FARP2: variants seen among roughly 807,000 people sequenced by gnomAD.
FARP2 encodes the protein FERM, ARH/RhoGEF and pleckstrin domain protein 2.
Under a neutral mutation model 130.5 loss-of-function variants are expected in FARP2, and 111 were observed. The ratio of observed to expected loss-of-function variants is 0.85; its 90% CI spans 0.73 to 1.00. The LOEUF (loss-of-function observed/expected upper bound fraction) is 1.00, where lower values mean the gene tolerates loss of function less well. Among genes scored for constraint, FARP2 ranks in the 50% least tolerant of loss-of-function variants. The pLI is 0.00. For missense variants in FARP2, 1,385 were observed against 1,346.3 expected (o/e 1.03, Z -0.45); for synonymous variants, 504 against 516.9 (o/e 0.98, Z 0.34).
intron 8 of FARP2, among the ~76,000 whole-genome samples, chr2:241,422,957 A>G (rs2062848481): frequency 6.6e-6 from 1 of 152,218 alleles, no homozygotes; most frequent in Non-Finnish European, 1.5e-5. Flanking sequence ...GAAATATGGG[A>G]TTATGTGAAG....
Position 241,450,346 on chromosome 2 carries a change from G to A in FARP2, c.1412-6401G>A, listed in dbSNP as rs568534931. Among the ~76,000 whole-genome samples the A allele has an allele frequency of 2.0e-5, 3 of 152,184 alleles. No individual in the cohort carries two copies. In the South Asian group the frequency reaches 6.2e-4, roughly 32 times the overall value. ...GCACTCCACTCCAGCCTGGGCAACAGTGCAAGACCCTGTCTCAACCAAAAA... is the reference window on the plus strand; with the variant it reads ...GCACTCCACTCCAGCCTGGGCAACAATGCAAGACCCTGTCTCAACCAAAAA... On this transcript the variant is annotated intron_variant, in intron 13 of 26. Transcript: ENST00000264042.
intron 8 of FARP2, among the ~76,000 whole-genome samples, chr2:241,431,319 T>C (rs1034754963): frequency 6.6e-6 from 1 of 151,320 alleles, no homozygotes; most frequent in Non-Finnish European, 1.5e-5. Flanking sequence ...AAATTAAAAA[T>C]AGAAAATTAG....
At chr2:241,479,721 G>A (rs1179096318) in intron 19 of FARP2, among the ~76,000 whole-genome samples, 1 of 148,020 alleles carries the variant, frequency 6.8e-6, no homozygotes, top group African/African-American at 2.5e-5. Context: ...CAACCCGTTA[G>A]CGTGAGGTAG....
At chr2:241,481,013 G>A (rs1388154227) in intron 19 of FARP2, among the ~76,000 whole-genome samples, 1 of 142,154 alleles carries the variant, frequency 7.0e-6, no homozygotes, top group Non-Finnish European at 1.5e-5. Context: ...GAGGCCAGGA[G>A]ATTGAGACTA....
At chr2:241,444,256 A>C (rs1368728802) in intron 13 of FARP2, 1 of 152,258 alleles carries the variant, frequency 6.6e-6, no homozygotes, top group African/African-American at 2.4e-5. Flanking sequence ...GCAGCAGTGA[A>C]CCTGAGGTCA....
chr2:241,490,374 C>T (rs2064862091), intron 22 of FARP2, among the ~76,000 whole-genome samples: 2 of 152,318 alleles, frequency 1.3e-5, no homozygotes, highest in East Asian at 1.9e-4. Context: ...AGGGCACAGG[C>T]GCTTCCCCAA....
chr2:241,491,218 C>A (rs1482129675), intron 23 of FARP2, 39 bp downstream of exon 23: 2 of 1,432,704 alleles, frequency 1.4e-6, no homozygotes, highest in Non-Finnish European at 2.0e-6. Context: ...ACCTCCACTA[C>A]ACCTAAGGAG....
At chr2:241,362,318 T>C (rs1171554927) in intron 1 of FARP2, among the ~76,000 whole-genome samples, 1 of 152,036 alleles carries the variant, frequency 6.6e-6, no homozygotes, top group Non-Finnish European at 1.5e-5. Context: ...AAAATATTAA[T>C]TTTGGCCAGG....
At chr2:241,418,133 G>A (rs2062724189) in intron 8 of FARP2, 24 bp downstream of exon 8, 1 of 1,613,952 alleles carries the variant, frequency 6.2e-7, no homozygotes, top group Non-Finnish European at 8.5e-7. Context: ...GAAGGGAGGG[G>A]TGAGAACAGG....
At chr2:241,424,459 A>G (rs908824834) in intron 8 of FARP2, among the ~76,000 whole-genome samples, 2 of 152,224 alleles carry the variant, frequency 1.3e-5, no homozygotes, top group Admixed American at 6.5e-5. Context: ...CAGCTAAAGC[A>G]TTGTTAAGAG....
At chr2:241,381,827 T>A (rs1337968752) in intron 2 of FARP2, among the ~76,000 whole-genome samples, 1 of 152,262 alleles carries the variant, frequency 6.6e-6, no homozygotes, top group Non-Finnish European at 1.5e-5. Context: ...ACACTTGCAC[T>A]GCAGCATCTC....
At chr2:241,392,812 G>C (rs1487001490) in intron 2 of FARP2, among the ~76,000 whole-genome samples, 1 of 151,702 alleles carries the variant, frequency 6.6e-6, no homozygotes, top group Non-Finnish European at 1.5e-5. Context: ...GTGTGGTGAT[G>C]TATGCCTGTA....
intron 14 of FARP2, among the ~76,000 whole-genome samples, chr2:241,460,082 G>A (rs2063973671): frequency 6.6e-6 from 1 of 152,168 alleles, no homozygotes; most frequent in South Asian, 2.1e-4. Context: ...CGGTGACTGT[G>A]GCTAGGAAGT....
intron 12 of FARP2, among the ~76,000 whole-genome samples, chr2:241,436,771 G>T (rs2074776): frequency 0.09 from 13,719 of 152,284 alleles, 636 homozygotes; most frequent in Middle Eastern, 0.15. Flanking sequence ...GGTTGCTTCA[G>T]TCCAGGAATT....
intron 17 of FARP2, 52 bp from the exon 18 acceptor site, chr2:241,468,088 C>T (rs1309114658): frequency 8.2e-7 from 1 of 1,224,456 alleles, no homozygotes; most frequent in Non-Finnish European, 1.2e-6. Context: ...CCAGTCTCCC[C>T]CTGGACTCCT....
chr2:241,438,621 G>T (rs1166802723), intron 12 of FARP2, among the ~76,000 whole-genome samples: 3 of 139,818 alleles, frequency 2.1e-5, no homozygotes, highest in East Asian at 4.2e-4. Context: ...AAACTCTCTG[G>T]TTTTTTTTTT....
chr2:241,413,512 C>A, intron 7 of FARP2, 91 bp downstream of exon 7: 3 of 912,038 alleles, frequency 3.3e-6, no homozygotes, highest in Non-Finnish European at 3.4e-6. Flanking sequence ...GTGACTTCTG[C>A]AAGATTCTAA....
chr2:241,375,197 C>T (rs13407639), intron 2 of FARP2, among the ~76,000 whole-genome samples: 5,205 of 152,168 alleles, frequency 0.034, 288 homozygotes, highest in African/African-American at 0.12. Flanking sequence ...GTGATCCGCC[C>T]GCTTCGGCCT....
intron 13 of FARP2, among the ~76,000 whole-genome samples, chr2:241,450,964 T>C (rs1308572974): frequency 2.0e-5 from 3 of 152,030 alleles, no homozygotes; most frequent in East Asian, 1.9e-4. Flanking sequence ...AAAATAAATA[T>C]ATATATTTTG....
Sources: allele counts gnomAD v4.1 joint callset (sites outside exome capture counted in the v4.1 genomes callset), GRCh38; gene constraint gnomAD v4.1.1; transcripts MANE v1.5; gene names NCBI Gene and HGNC (gene_info 2026-07-23, HGNC 2026-07-21).